Variants in NRXN1 observed in about 807,000 individuals in gnomAD.
NRXN1 encodes the protein neurexin 1, also known as neurexin-1.
In NRXN1, 39 loss-of-function variants were observed where a neutral mutation model predicts 150.9. That is an observed-to-expected ratio of 0.26 (90% CI 0.20 to 0.34). The LOEUF (loss-of-function observed/expected upper bound fraction) is 0.34, where lower values mean the gene tolerates loss of function less well. NRXN1 is among the 10% of genes least tolerant of loss of function. The probability of loss-of-function intolerance (pLI) is 1.00; values close to 1 mark genes in which losing one functional copy is unlikely to be tolerated. For missense variants in NRXN1, 1,815 were observed against 1,949.9 expected (o/e 0.93, Z 1.30); for synonymous variants, 924 against 757.0 (o/e 1.22, Z -3.62).
intron 5 of NRXN1, among the ~76,000 whole-genome samples, chr2:50,901,916 T>C (rs1403798003): frequency 1.3e-5 from 2 of 152,210 alleles, no homozygotes; most frequent in Non-Finnish European, 2.9e-5. Flanking sequence ...GAATGGAAGA[T>C]GGAGACACTA....
Position 50,054,970 on chromosome 2 carries a change from A to G in NRXN1, c.3793T>C (p.Trp1265Arg). 3.8e-6 allele frequency: 6 copies of G among 1,578,418 alleles called. No individual in the cohort carries two copies. The highest frequency in any genetic ancestry group is 5.2e-6 in the Non-Finnish European group (6 of 1,164,278). Residue 1265 changes from tryptophan to arginine, a missense_variant, in exon 20 of 23, where the codon TGG becomes CGG. Around this residue, in one of 6 missense-constraint regions of NRXN1, gnomAD observed 5 missense variants for 22.8 expected, o/e 0.22. Coordinates refer to ENST00000401669, the MANE Select transcript of NRXN1 (RefSeq NM_001330078.2). ...PYRLGRVVDE[W>R]LLDKGRQLTI... Reference sequence around the variant, plus strand: ...TGTTTTTTACCTTTGTCGAGTAGCCATTCATCAACTACTCGACCAAGTCGA... The same window carrying G: ...TGTTTTTTACCTTTGTCGAGTAGCCGTTCATCAACTACTCGACCAAGTCGA...
At chr2:50,578,227 A>G (rs1173419035) in intron 8 of NRXN1, among the ~76,000 whole-genome samples, 2 of 152,086 alleles carry the variant, frequency 1.3e-5, no homozygotes, top group African/African-American at 4.8e-5. Flanking sequence ...ACAAACTTTC[A>G]ATTTCTCTTA....
intron 2 of NRXN1, among the ~76,000 whole-genome samples, chr2:51,021,797 T>C (rs1477165979): frequency 6.6e-6 from 1 of 152,054 alleles, no homozygotes; most frequent in Non-Finnish European, 1.5e-5. Flanking sequence ...TCAAAGTAAA[T>C]GGTATCTTCA....
intron 12 of NRXN1, among the ~76,000 whole-genome samples, chr2:50,513,478 A>G (rs1221455717): frequency 6.6e-6 from 1 of 152,170 alleles, no homozygotes; most frequent in Non-Finnish European, 1.5e-5. Context: ...TTTAATTCCT[A>G]AGCATTCACC....
At chr2:50,614,399 T>C (rs746726922) in intron 8 of NRXN1, among the ~76,000 whole-genome samples, 2 of 152,038 alleles carry the variant, frequency 1.3e-5, no homozygotes, top group Non-Finnish European at 2.9e-5. Flanking sequence ...TTGGAATAAA[T>C]TGGAATGCAA....
intron 18 of NRXN1, among the ~76,000 whole-genome samples, chr2:50,210,654 C>G (rs1263255149): frequency 6.6e-6 from 1 of 151,586 alleles, no homozygotes. Context: ...ATAACATTCC[C>G]TTTCAGCCAA....
At position 50,949,296 on chromosome 2, in the gene NRXN1, G is replaced by C. The variant is rs1690906160; in HGVS notation, c.773-23341C>G. Among the ~76,000 whole-genome samples, 3 of 152,046 alleles carry C rather than the reference G, an allele frequency of 2.0e-5. No homozygotes were observed. The South Asian group carries it at 6.2e-4, about 32-fold the overall frequency. On this transcript the variant is annotated intron_variant, in intron 2 of 22. Transcript: ENST00000401669. ...AATAGGGATTTAGTTAAACAAAAAG[G>C]ATGAAAGTGTTGCTGGTTTTAAATG...
Position 50,278,809 on chromosome 2 carries a change from G to C in NRXN1, c.3365-41839C>G, listed in dbSNP as rs545450241. On this transcript the variant is annotated intron_variant, in intron 17 of 22. Transcript: ENST00000401669. ...ATAAGCAACAGCTCGAAGACTTCTT[G>C]GGTTGATTCTAGTAAAAAATTATTT... Among the ~76,000 whole-genome samples the C allele has an allele frequency of 8.7e-4, 132 of 152,154 alleles. 4 individuals carry two copies. The South Asian group carries it at 0.026, about 30-fold the overall frequency.
intron 18 of NRXN1, among the ~76,000 whole-genome samples, chr2:50,116,889 C>T (rs1703147038): frequency 6.6e-6 from 1 of 152,034 alleles, no homozygotes; most frequent in South Asian, 2.1e-4. Context: ...TGCTGTTTTC[C>T]TGAGATGCGA....
chr2:50,640,005 G>C (rs567852070), intron 5 of NRXN1, among the ~76,000 whole-genome samples: 1 of 152,178 alleles, frequency 6.6e-6, no homozygotes, highest in African/African-American at 2.4e-5. Context: ...TCACAATCTT[G>C]ACGAGAAGTT....
chr2:50,412,269 C>A (rs2083242968), intron 17 of NRXN1, among the ~76,000 whole-genome samples: 1 of 151,442 alleles, frequency 6.6e-6, no homozygotes, highest in Non-Finnish European at 1.5e-5. Context: ...TATGACCCTG[C>A]CAAATCCCCC....
intron 8 of NRXN1, among the ~76,000 whole-genome samples, chr2:50,555,816 G>C (rs760087197): frequency 1.2e-4 from 18 of 152,120 alleles, no homozygotes; most frequent in Non-Finnish European, 2.1e-4. Flanking sequence ...AAACTTATGT[G>C]CATATCCAGT....
intron 2 of NRXN1, among the ~76,000 whole-genome samples, chr2:50,929,896 G>A (rs147737655): frequency 6.6e-6 from 1 of 152,188 alleles, no homozygotes; most frequent in African/African-American, 2.4e-5. Context: ...TCAAGCACTG[G>A]GAAATGGAGG....
chr2:50,602,536 T>C (rs190059716), intron 8 of NRXN1, among the ~76,000 whole-genome samples: 204 of 152,246 alleles, frequency 1.3e-3, no homozygotes, highest in African/African-American at 4.0e-3. Flanking sequence ...ATTTTTAAAT[T>C]TTGTACATTA....
chr2:50,121,144 C>T (rs767622384), intron 18 of NRXN1, among the ~76,000 whole-genome samples: 16 of 152,168 alleles, frequency 1.1e-4, no homozygotes, highest in Non-Finnish European at 2.2e-4. Context: ...CTGCCTCAGC[C>T]TCCCAAGTAG....
chr2:50,109,536 C>T (rs948720525), intron 18 of NRXN1, among the ~76,000 whole-genome samples: 5 of 151,364 alleles, frequency 3.3e-5, no homozygotes, highest in Admixed American at 2.6e-4. Flanking sequence ...TATCAGTTTG[C>T]GGGGTTCTCT....
At chr2:50,337,950 G>T (rs1337793539) in intron 17 of NRXN1, among the ~76,000 whole-genome samples, 1 of 152,172 alleles carries the variant, frequency 6.6e-6, no homozygotes, top group Non-Finnish European at 1.5e-5. Context: ...CAAGACTTTT[G>T]TATAAAGATG....
Position 50,865,580 on chromosome 2 carries a change from A to ATGTGTGTGTGTGTGTGTGTGTG in NRXN1, c.832+56267_832+56288dup, listed in dbSNP as rs112867077. Among the ~76,000 whole-genome samples the ATGTGTGTGTGTGTGTGTGTGTG allele has an allele frequency of 8.1e-4, 106 of 130,770 alleles. 2 individuals are homozygous for ATGTGTGTGTGTGTGTGTGTGTG. In the East Asian group the frequency reaches 8.3e-3, roughly 10 times the overall value. 85.8% of individuals were successfully genotyped at this position (130,770 alleles called of 152,430 possible). A position where few individuals can be genotyped will look rare whatever the true frequency, so the allele number is the denominator to read the frequency against. On this transcript the variant is annotated intron_variant, in intron 5 of 22. Coordinates refer to ENST00000401669, the MANE Select transcript of NRXN1 (RefSeq NM_001330078.2). ...TCTCTAAGTGGCTCCAAATATATAA[A>ATGTGTGTGTGTGTGTGTGTGTG]TGTGTGTGTGTGTGTGTGTGTGTGT...
chr2:50,053,381 C>A lies in NRXN1; in HGVS notation c.4018G>T (p.Ala1340Ser). ...VPSSMTTEST[A>S]TAMQSEMSTS... ...GACATCTCTGATTGCATGGCAGTGG[C>A]TGTTGACTCAGTTGTCATAGAGGAA... The change falls in exon 21 of 23, where the codon GCC becomes TCC. Residue 1340 changes from alanine to serine, a missense_variant. Transcript: ENST00000401669. 6.2e-7 allele frequency: 1 copy of A among 1,613,962 alleles called. No individual in the cohort carries two copies. The highest frequency in any genetic ancestry group is 8.5e-7 in the Non-Finnish European group (1 of 1,179,912).
Sources: gnomAD v4.1 joint callset for allele counts (sites outside exome capture counted in the v4.1 genomes callset) on GRCh38, gnomAD v4.1.1 for gene constraint, gnomAD v4.1.1 regional missense constraint, MANE v1.5 for transcripts, NCBI Gene and HGNC (gene_info 2026-07-23, HGNC 2026-07-21) for gene names.